The following COL7A1 variants were observed in gnomAD, a reference collection of about 807,000 sequenced individuals.
The protein encoded by COL7A1 is collagen alpha-1(VII) chain.
COL7A1 carries 296 observed loss-of-function variants against 456.2 expected under a neutral mutation model. The observed-to-expected ratio is 0.65, with a 90% CI of 0.59 to 0.71. The LOEUF is 0.71. Among genes scored for constraint, COL7A1 ranks in the 30% least tolerant of loss-of-function variants. The pLI is 0.00. For missense variants in COL7A1, 3,441 were observed against 4,017.2 expected (o/e 0.86, Z 3.88); for synonymous variants, 1,464 against 1,525.9 (o/e 0.96, Z 0.95).
rs1341790661 is a variant in COL7A1, at chr3:48,581,845, T to C, written c.4668+66A>G. The C allele has an allele frequency of 4.3e-6, 7 of 1,613,380 alleles. No individual in the cohort carries two copies. Among genetic ancestry groups the C allele is most frequent in the Non-Finnish European group, 5.9e-6 (7 of 1,179,406 alleles). ...AAGTCCTGTGACCCCCCAAGTCCCA[T>C]AGATAGGCCCTATGACCTAGACCTC... is the stretch of plus-strand genomic sequence containing the variant. On this transcript the variant is annotated intron_variant, in intron 48 of 118. Transcript: ENST00000681320. The surrounding 1 kb of genome is among the most constrained non-coding windows in gnomAD (Gnocchi z 5.8).
At chr3:48,589,750 G>C (rs764898053) in intron 16 of COL7A1, 32 bp from the exon 17 acceptor site, 3 of 1,613,668 alleles carry the variant, frequency 1.9e-6, no homozygotes, top group Non-Finnish European at 2.5e-6. Flanking sequence ...GAGTCTGCTG[G>C]AACAGGCAGG....
chr3:48,578,423 A>G lies in COL7A1; in HGVS notation c.5487+30T>C. On this transcript the variant is annotated intron_variant, in intron 64 of 118. Coordinates refer to ENST00000681320, the MANE Select transcript of COL7A1 (RefSeq NM_000094.4). This position sits in a 1 kb window ranked among gnomAD's most constrained non-coding sequence, Gnocchi z 4.7. ...GATCGGGTGAGGGTAGTAAGGGGGA[A>G]AAGGGGGTAACATGAAAGTCTGGTC... 3 of 1,613,464 alleles carry G rather than the reference A, an allele frequency of 1.9e-6. No homozygotes were observed. The highest frequency in any genetic ancestry group is 2.5e-6 in the Non-Finnish European group (3 of 1,179,998).
Position 48,583,090 on chromosome 3 carries a change from C to T in COL7A1, c.4482+37G>A. 3.7e-6 allele frequency: 6 copies of T among 1,613,924 alleles called. No individual in the cohort carries two copies. The highest frequency in any genetic ancestry group is 4.2e-6 in the Non-Finnish European group (5 of 1,179,918). ...GGTCAGAGCTGAGTTGGGCCCAGAT[C>T]CTCCAGGGCCCTTGGCACCCCCCAG... On this transcript the variant is annotated intron_variant, in intron 43 of 118. Transcript: ENST00000681320. This position sits in a 1 kb window ranked among gnomAD's most constrained non-coding sequence, Gnocchi z 5.1.
Position 48,591,780 on chromosome 3 carries a change from G to A in COL7A1, c.1400C>T (p.Thr467Ile), listed in dbSNP as rs1373396709. The change falls in exon 12 of 119, where the codon ACC (threonine) becomes ATC (isoleucine). Residue 467 changes from threonine (T) to isoleucine (I), a missense_variant. Thr to Ile is a moderately conservative substitution (Grantham distance 89). This residue lies in a region of COL7A1 where 913 missense variants were observed against 1,088.2 expected (regional missense o/e 0.84). Transcript: ENST00000681320. This position sits in a 1 kb window ranked among gnomAD's most constrained non-coding sequence, Gnocchi z 7.0. ...CTGCAGCCCATCCAACTGGTAGCGG[G>A]TCACATCAGAGGGCAGTACCACCTT... ...PQKVVLPSDVTRYQLDGLQPG... is the reference protein window; with the variant it reads ...PQKVVLPSDVIRYQLDGLQPG... 6.2e-7 allele frequency: 1 copy of A among 1,614,184 alleles called. No homozygotes were observed.
rs528810248 is a variant in COL7A1 at position 48,581,169 on chromosome 3, G to C, written c.4900-12C>G. On this transcript the variant is annotated splice_polypyrimidine_tract_variant and intron_variant, in intron 52 of 118. Coordinates refer to ENST00000681320, the MANE Select transcript of COL7A1 (RefSeq NM_000094.4). This position sits in a 1 kb window ranked among gnomAD's most constrained non-coding sequence, Gnocchi z 5.8. Reference sequence around the variant, plus strand: ...TCTCCAACTTCACCCTGTGAAACATGAGAGTCAGCCCTGGTTCCAAGAACC... The same window carrying C: ...TCTCCAACTTCACCCTGTGAAACATCAGAGTCAGCCCTGGTTCCAAGAACC... 6.2e-7 allele frequency: 1 copy of C among 1,613,778 alleles called. No individual in the cohort carries two copies. The highest frequency in any genetic ancestry group is 1.1e-5 in the South Asian group (1 of 91,052).
Position 48,577,011 on chromosome 3 carries a change from G to A in COL7A1, c.5549C>T (p.Pro1850Leu), listed in dbSNP as rs377424392. The change falls in exon 66 of 119, where the codon CCT becomes CTT. Residue 1850 changes from proline to leucine, a missense_variant. Pro to Leu is a moderately conservative substitution (Grantham distance 98). Coordinates refer to ENST00000681320, the MANE Select transcript of COL7A1 (RefSeq NM_000094.4). ...CTTTACCTTCCTCCCGTCTTCTCCA[G>A]GGTCCCCAGGTTCTCCCTGTGGGCA... is the stretch of plus-strand genomic sequence containing the variant. ...LNGKNGEPGD[P>L]GEDGRKGEKG... 1.2e-5 allele frequency: 19 copies of A among 1,613,840 alleles called. No individual in the cohort carries two copies. The highest frequency in any genetic ancestry group is 1.4e-5 in the Non-Finnish European group (16 of 1,180,046).
At position 48,567,010 on chromosome 3, in the gene COL7A1, A is replaced by T. The variant is rs372750088; in HGVS notation, c.8123T>A (p.Ile2708Asn). ...GEKGERGTPG[I>N]GGFPGPSGND... is the part of the protein sequence containing the mutation. Reference sequence around the variant, plus strand: ...TCCACTGGGGCCTGGGAAGCCCCCAATTCCTGGGGTTCCCTGGGGAGATAT... The same window carrying T: ...TCCACTGGGGCCTGGGAAGCCCCCATTTCCTGGGGTTCCCTGGGGAGATAT... Residue 2708 changes from isoleucine to asparagine, a missense_variant, in exon 111 of 119, where the codon ATT becomes AAT. Coordinates refer to ENST00000681320, the MANE Select transcript of COL7A1 (RefSeq NM_000094.4). The surrounding 1 kb of genome is among the most constrained non-coding windows in gnomAD (Gnocchi z 4.3). 1.9e-6 allele frequency: 3 copies of T among 1,612,844 alleles called. No individual in the cohort carries two copies. The highest frequency in any genetic ancestry group is 1.7e-4 in the Middle Eastern group (1 of 6,060).
chr3:48,593,290 G>A lies in COL7A1; in HGVS notation c.521-27C>T. On this transcript the variant is annotated intron_variant, in intron 5 of 118. Transcript: ENST00000681320. This position sits in a 1 kb window ranked among gnomAD's most constrained non-coding sequence, Gnocchi z 4.4. ...TGAAGTGACGACCCATCAGGACTCAGTCACCCACATGCTCTCTGACTGCCC... is the reference window on the plus strand; with the variant it reads ...TGAAGTGACGACCCATCAGGACTCAATCACCCACATGCTCTCTGACTGCCC... The A allele has an allele frequency of 6.2e-7, 1 of 1,614,110 alleles. No homozygotes were observed. Among genetic ancestry groups the A allele is most frequent in the Non-Finnish European group, 8.5e-7 (1 of 1,180,016 alleles).
rs199907664 is a variant in COL7A1, at chr3:48,572,155, C to T, written c.6995G>A (p.Arg2332Gln). 25 of 1,614,070 alleles carry T rather than the reference C, an allele frequency of 1.5e-5. No individual in the cohort carries two copies. In the African/African-American group the frequency reaches 1.7e-4, roughly 11 times the overall value. Residue 2332 changes from arginine to glutamine, a missense_variant, in exon 91 of 119, where the codon CGA becomes CAA. Arg to Gln is a conservative substitution (Grantham distance 43, BLOSUM62 1). Transcript: ENST00000681320. This position sits in a 1 kb window ranked among gnomAD's most constrained non-coding sequence, Gnocchi z 4.6. Reference protein sequence around the residue: ...LVGEPGAKGDRGLPGPRGEKG... With the variant: ...LVGEPGAKGDQGLPGPRGEKG... ...CTCGCCTCGCGGCCCTGGCAGTCCTCGGTCACCTTTGGCTCCCTGTTGACA... is the reference window on the plus strand; with the variant it reads ...CTCGCCTCGCGGCCCTGGCAGTCCTTGGTCACCTTTGGCTCCCTGTTGACA...
Position 48,587,410 on chromosome 3 carries a change from T to TC in COL7A1, c.2992+9dup, listed in dbSNP as rs754908793. On this transcript the variant is annotated intron_variant, in intron 23 of 118. Coordinates refer to ENST00000681320, the MANE Select transcript of COL7A1 (RefSeq NM_000094.4). The surrounding 1 kb of genome is among the most constrained non-coding windows in gnomAD (Gnocchi z 6.1). ...CTGCCAGCCCACCCAAATCCTGGCC[T>TC]CCCCCTCACCCTGGCCAGGGCCTCT... 7.6e-5 allele frequency: 123 copies of TC among 1,612,958 alleles called. No individual in the cohort carries two copies. Among genetic ancestry groups the TC allele is most frequent in the Non-Finnish European group, 1.0e-4 (118 of 1,179,970 alleles).
At chr3:48,584,845 G>C in intron 34 of COL7A1, 65 bp downstream of exon 34, 1 of 1,613,854 alleles carries the variant, frequency 6.2e-7, no homozygotes, top group East Asian at 2.2e-5. Flanking sequence ...CACCACCCCA[G>C]GCTCCCACCC....
Position 48,579,388 on chromosome 3 carries a change from C to T in COL7A1, c.5288G>A (p.Arg1763Gln), listed in dbSNP as rs773461202. ...TCTCACCTTTTCTCCTGCTGGGCCT[C>T]GGACACCTGGGTCCCCCTGGAGGGA... is the stretch of plus-strand genomic sequence containing the variant. ...PPGPQGDPGV[R>Q]GPAGEKGDRG... is the part of the protein sequence containing the mutation. The change falls in exon 61 of 119, where the codon CGA (arginine) becomes CAA (glutamine). Residue 1763 changes from arginine (R) to glutamine (Q), a missense_variant. By Grantham distance (43) the Arg-to-Gln change is conservative. Transcript: ENST00000681320. The surrounding 1 kb of genome is among the most constrained non-coding windows in gnomAD (Gnocchi z 4.4). 1.2e-5 allele frequency: 19 copies of T among 1,614,120 alleles called. No individual in the cohort carries two copies. The South Asian group carries it at 1.6e-4, about 14-fold the overall frequency.
chr3:48,589,675 G>A lies in COL7A1; in HGVS notation c.2094C>T (p.Ser698=). The part of the protein sequence containing the change: ...PVRTVHVTQA[S]SSSVTITWTR... ...TCCAGGTAATGGTGACAGATGAGCT[G>A]CTGGCCTGAGTCACATGGACCGTCC... Residue 698 remains serine, a synonymous_variant, in exon 17 of 119, where the codon AGC becomes AGT. Transcript: ENST00000681320. 6.2e-7 allele frequency: 1 copy of A among 1,614,122 alleles called. No individual in the cohort carries two copies. Among genetic ancestry groups the A allele is most frequent in the African/African-American group, 1.3e-5 (1 of 75,028 alleles).
rs1299559352 is a variant in COL7A1, at chr3:48,570,891, C to T, written c.7242G>A (p.Glu2414=). The T allele has an allele frequency of 1.9e-6, 3 of 1,613,202 alleles. No homozygotes were observed. The highest frequency in any genetic ancestry group is 1.7e-5 in the Admixed American group (1 of 59,910). ...GFPGQTGPRG[E]MGQPGPSGER... is the part of the protein sequence containing the mutation. ...CTCCACTAGGGCCTGGCTGACCCAT[C>T]TCTCCTCGAGGGCCTGTCTGACCCG... Residue 2414 remains glutamate, a synonymous_variant, in exon 95 of 119, where the codon GAG becomes GAA. Transcript: ENST00000681320. The surrounding 1 kb of genome is among the most constrained non-coding windows in gnomAD (Gnocchi z 5.5).
At position 48,580,704 on chromosome 3, in the gene COL7A1, C is replaced by T. The variant is rs760876080; in HGVS notation, c.4981-52G>A. On this transcript the variant is annotated intron_variant, in intron 54 of 118. Transcript: ENST00000681320. The surrounding 1 kb of genome is among the most constrained non-coding windows in gnomAD (Gnocchi z 4.5). ...GACCCTCCCAATATTTTGCAGGTGC[C>T]CCTATGACCCGCTACACTGCCCCAG... 6.3e-7 allele frequency: 1 copy of T among 1,599,388 alleles called. No homozygotes were observed. The highest frequency in any genetic ancestry group is 1.1e-5 in the South Asian group (1 of 90,672).
In COL7A1 at chr3:48,585,995, T is replaced by C. The variant is rs1247387367; in HGVS notation, c.3724-20A>G. 5.6e-6 allele frequency: 9 copies of C among 1,613,746 alleles called. No individual in the cohort carries two copies. The highest frequency in any genetic ancestry group is 1.1e-5 in the South Asian group (1 of 91,074). Reference sequence around the variant, plus strand: ...CCGGGGCTGCGGACATAGGGTCTCTTTGAGGTTGAACATTTCTACCAAGAA... The same window carrying C: ...CCGGGGCTGCGGACATAGGGTCTCTCTGAGGTTGAACATTTCTACCAAGAA... On this transcript the variant is annotated intron_variant, in intron 28 of 118. Transcript: ENST00000681320. This position sits in a 1 kb window ranked among gnomAD's most constrained non-coding sequence, Gnocchi z 4.5.
Position 48,591,607 on chromosome 3 carries a change from A to T in COL7A1, c.1508-15T>A, listed in dbSNP as rs1191775971. The T allele has an allele frequency of 6.2e-7, 1 of 1,613,550 alleles. No homozygotes were observed. Among genetic ancestry groups the T allele is most frequent in the East Asian group, 2.2e-5 (1 of 44,862 alleles). The stretch of plus-strand genomic sequence containing the variant: ...CAGCTCTGGTCCTGTTGGAGAGCAC[A>T]GCATAGAGGCAGCCTGGGGCTCCGA... On this transcript the variant is annotated splice_polypyrimidine_tract_variant and intron_variant, in intron 12 of 118. Coordinates refer to ENST00000681320, the MANE Select transcript of COL7A1 (RefSeq NM_000094.4). This position sits in a 1 kb window ranked among gnomAD's most constrained non-coding sequence, Gnocchi z 7.0.
rs763402171 is a variant in COL7A1 at position 48,593,622 on chromosome 3, C to A, written c.341G>T (p.Gly114Val). The change falls in exon 4 of 119, where the codon GGG (glycine) becomes GTG (valine). Residue 114 changes from glycine to valine, a missense_variant. Coordinates refer to ENST00000681320, the MANE Select transcript of COL7A1 (RefSeq NM_000094.4). The surrounding 1 kb of genome is among the most constrained non-coding windows in gnomAD (Gnocchi z 4.4). ...IRAIRELSYK[G>V]GNTRTGAAIL... ...TGCAGCCCCTGTGCGAGTGTTGCCC[C>A]CCTTGTAGCTAAGCTCACGGATGGC... 6.2e-7 allele frequency: 1 copy of A among 1,614,196 alleles called. No individual in the cohort carries two copies. Among genetic ancestry groups the A allele is most frequent in the East Asian group, 2.2e-5 (1 of 44,886 alleles).
chr3:48,564,578 C>T lies in COL7A1; in HGVS notation c.8819-156G>A. 9.4e-7 allele frequency: 1 copy of T among 1,064,724 alleles called. No homozygotes were observed. Among genetic ancestry groups the T allele is most frequent in the Non-Finnish European group, 1.4e-6 (1 of 711,766 alleles). The allele number at this position is 1,064,724 out of a possible 1,614,324, so 66.0% of individuals were successfully genotyped here. On this transcript the variant is annotated intron_variant, in intron 118 of 118. Transcript: ENST00000681320. The surrounding 1 kb of genome is among the most constrained non-coding windows in gnomAD (Gnocchi z 6.0). The stretch of plus-strand genomic sequence containing the variant: ...ATACTTAGGTCTTTAAAGGAGGGAA[C>T]ATGGAAGGGGACCCTACTGGGGGCT...
Sources: allele counts gnomAD v4.1 joint callset, GRCh38; gene constraint gnomAD v4.1.1; regional missense constraint gnomAD v4.1.1; non-coding constraint Gnocchi (gnomAD v3.1); transcripts MANE v1.5; gene names NCBI Gene and HGNC (gene_info 2026-07-23, HGNC 2026-07-21).